The following WARS1 variants were observed in gnomAD, a reference collection of about 807,000 sequenced individuals.
The protein encoded by WARS1 is tryptophanyl-tRNA synthetase 1.
Under a neutral mutation model 47.8 loss-of-function variants are expected in WARS1, and 17 were observed. The observed-to-expected ratio is 0.36, with a 90% CI of 0.24 to 0.53. The LOEUF is 0.53. WARS1 is among the 20% of genes least tolerant of loss of function. The pLI is 0.91. For synonymous variants in WARS1, 208 were observed against 228.1 expected (o/e 0.91, Z 0.79); for missense variants, 434 against 608.0 (o/e 0.71, Z 3.01).
intron 2 of WARS1, among the ~76,000 whole-genome samples, chr14:100,366,252 C>A (rs138560405): frequency 6.6e-6 from 1 of 152,212 alleles, no homozygotes; most frequent in African/African-American, 2.4e-5. Flanking sequence ...CCCCTCTGAA[C>A]AGTGGACTGG....
At chr14:100,363,745 G>A (rs1895790699) in intron 2 of WARS1, among the ~76,000 whole-genome samples, 1 of 152,110 alleles carries the variant, frequency 6.6e-6, no homozygotes, top group South Asian at 2.1e-4. Flanking sequence ...TCTCACTTCA[G>A]TCTCCTGAGT....
At chr14:100,337,372 ACTG>A (rs775872535) in intron 9 of WARS1, among the ~76,000 whole-genome samples, 170 bp from the exon 10 acceptor site, 5 of 152,124 alleles carry the variant, frequency 3.3e-5, no homozygotes, top group Non-Finnish European at 2.9e-5. Context: ...TGGGGGACCC[ACTG>A]CTGTTCTTCC....
chr14:100,338,088 C>A (rs1479506509), intron 9 of WARS1, among the ~76,000 whole-genome samples: 1 of 151,950 alleles, frequency 6.6e-6, no homozygotes, highest in Non-Finnish European at 1.5e-5. Context: ...GGGAGAGGGG[C>A]CTGCAGGCAG....
chr14:100,366,942 C>A, intron 2 of WARS1: 2 of 1,584,796 alleles, frequency 1.3e-6, no homozygotes, highest in Non-Finnish European at 1.7e-6. Flanking sequence ...CTGGAAGTAT[C>A]ATAGTGGTTT....
chr14:100,355,129 C>T (rs1186411511), intron 4 of WARS1, among the ~76,000 whole-genome samples: 2 of 152,176 alleles, frequency 1.3e-5, no homozygotes, highest in African/African-American at 4.8e-5. Flanking sequence ...CCCTCCCTAC[C>T]AGGCTGCTTC....
chr14:100,335,898 C>T (rs1238247540), intron 10 of WARS1, among the ~76,000 whole-genome samples: 1 of 152,076 alleles, frequency 6.6e-6, no homozygotes, highest in Non-Finnish European at 1.5e-5. Context: ...TAGTTAACTC[C>T]TCCCTGAGTT....
At chr14:100,343,750 G>A (rs572180394) in intron 7 of WARS1, among the ~76,000 whole-genome samples, 1 of 151,976 alleles carries the variant, frequency 6.6e-6, no homozygotes, top group East Asian at 1.9e-4. Flanking sequence ...TGATTCTCCT[G>A]CCTCAGGCTC....
rs60977618 is a variant in WARS1, at chr14:100,371,447, C to CAAAAAAAAAAAAAAAAAAA, written c.-73-2208_-73-2190dup. Among the ~76,000 whole-genome samples, 52 of 89,116 alleles carry CAAAAAAAAAAAAAAAAAAA rather than the reference C, an allele frequency of 5.8e-4. 4 individuals are homozygous for CAAAAAAAAAAAAAAAAAAA. Among genetic ancestry groups the CAAAAAAAAAAAAAAAAAAA allele is most frequent in the Middle Eastern group, 7.8e-3 (1 of 128 alleles). The allele number at this position is 89,116 out of a possible 152,430, so 58.5% of individuals were successfully genotyped here. ...CCTGGGTGACAGAAAGGTTCTGTCT[C>CAAAAAAAAAAAAAAAAAAA]AAAAAAAAAAAAAAAAAAAAGTAGG... is the stretch of plus-strand genomic sequence containing the variant. On this transcript the variant is annotated intron_variant, in intron 1 of 10. Coordinates refer to ENST00000392882, the MANE Select transcript of WARS1 (RefSeq NM_004184.4).
chr14:100,357,949 T>C (rs962016862), intron 4 of WARS1, among the ~76,000 whole-genome samples: 1 of 152,202 alleles, frequency 6.6e-6, no homozygotes, highest in Non-Finnish European at 1.5e-5. Flanking sequence ...CCCATGTTCA[T>C]GGATTAGATG....
chr14:100,342,234 C>T, intron 9 of WARS1, 164 bp downstream of exon 9: 1 of 890,688 alleles, frequency 1.1e-6, no homozygotes, highest in East Asian at 2.7e-5. Flanking sequence ...GACAGGCTGC[C>T]TTGAGTTCTG....
intron 2 of WARS1, chr14:100,368,580 G>A (rs1247502351): frequency 9.2e-6 from 4 of 435,402 alleles, no homozygotes; most frequent in Admixed American, 7.3e-5. Flanking sequence ...GTGGGCTGGA[G>A]GGCCACTGTA....
intron 9 of WARS1, among the ~76,000 whole-genome samples, chr14:100,341,398 C>T (rs1894154711): frequency 6.6e-6 from 1 of 152,110 alleles, no homozygotes; most frequent in African/African-American, 2.4e-5. Flanking sequence ...GAGGGCATGT[C>T]TTAGGAAGTT....
chr14:100,363,864 C>T (rs1895797131), intron 2 of WARS1, among the ~76,000 whole-genome samples: 2 of 152,212 alleles, frequency 1.3e-5, no homozygotes, highest in South Asian at 4.1e-4. Context: ...TGGCCTGAAG[C>T]GATCCTCCTG....
intron 6 of WARS1, among the ~76,000 whole-genome samples, 185 bp from the exon 7 acceptor site, chr14:100,347,031 GGCAAA>G (rs1294543557): frequency 6.6e-6 from 1 of 152,244 alleles, no homozygotes; most frequent in Non-Finnish European, 1.5e-5. Context: ...ACCTGCATCA[GGCAAA>G]GCAGACACAC....
chr14:100,335,265 C>G (rs564979465), intron 10 of WARS1, among the ~76,000 whole-genome samples: 1 of 152,342 alleles, frequency 6.6e-6, no homozygotes, highest in Admixed American at 6.5e-5. Flanking sequence ...TGGCCTCTCA[C>G]AGTGAAAGGG....
chr14:100,365,088 T>C (rs969751064), intron 2 of WARS1, among the ~76,000 whole-genome samples: 2 of 148,764 alleles, frequency 1.3e-5, no homozygotes, highest in African/African-American at 5.0e-5. Context: ...ACCACTGCAC[T>C]CCAACGTGGA....
At chr14:100,341,454 C>T (rs1894158195) in intron 9 of WARS1, among the ~76,000 whole-genome samples, 1 of 152,180 alleles carries the variant, frequency 6.6e-6, no homozygotes, top group Non-Finnish European at 1.5e-5. Context: ...CTGCTTGGGA[C>T]TTTCCAGAAC....
Position 100,360,632 on chromosome 14 carries a change from T to C in WARS1, c.344A>G (p.Glu115Gly). 1 of 1,613,886 alleles carries C rather than the reference T, an allele frequency of 6.2e-7. No individual in the cohort carries two copies. Among genetic ancestry groups the C allele is most frequent in the Non-Finnish European group, 8.5e-7 (1 of 1,179,798 alleles). Residue 115 changes from glutamate (E) to glycine (G), a missense_variant, in exon 4 of 11, where the codon GAG (glutamate) becomes GGG (glycine). Glu to Gly is a moderately conservative substitution (Grantham distance 98). Around this residue, in one of 2 missense-constraint regions of WARS1, gnomAD observed 347 missense variants for 523.8 expected, o/e 0.66. Transcript: ENST00000392882. ...VRFGSSKIDK[E>G]LINRIERATG... ...GGCTCTCTCTATTCGGTTTATTAGC[T>C]CTTTGTCAATTTTACTACTTCCAAA...
rs1352686794 is a variant in WARS1 at position 100,369,082 on chromosome 14, T to C, written c.99+5A>G. On this transcript the variant is annotated splice_donor_5th_base_variant and intron_variant, in intron 2 of 10. Transcript: ENST00000392882. ...CTTCGTGGAGAACCCAGCAAAATCATGTACCTTTGACGCATTTCCCGCTTT... is the reference window on the plus strand; with the variant it reads ...CTTCGTGGAGAACCCAGCAAAATCACGTACCTTTGACGCATTTCCCGCTTT... 3 of 1,533,972 alleles carry C rather than the reference T, an allele frequency of 2.0e-6. No homozygotes were observed. Among genetic ancestry groups the C allele is most frequent in the Admixed American group, 1.8e-5 (1 of 54,778 alleles).
Sources: allele counts gnomAD v4.1 joint callset (sites outside exome capture counted in the v4.1 genomes callset), GRCh38; gene constraint gnomAD v4.1.1; regional missense constraint gnomAD v4.1.1; transcripts MANE v1.5; gene names NCBI Gene and HGNC (gene_info 2026-07-23, HGNC 2026-07-21).